Variants in PCDHA4 observed in about 807,000 individuals in gnomAD.
The protein encoded by PCDHA4 is protocadherin alpha 4.
A neutral mutation model predicts 61.4 loss-of-function variants in PCDHA4; 49 were observed. The ratio of observed to expected loss-of-function variants is 0.80; its 90% CI spans 0.63 to 1.01. The LOEUF is 1.01. Among genes scored for constraint, PCDHA4 ranks in the 50% least tolerant of loss-of-function variants. PCDHA4 has a pLI of 0.00. For missense variants in PCDHA4, 1,254 were observed against 1,235.8 expected, an observed-to-expected ratio of 1.01 and a Z score of -0.22; for synonymous variants, 590 against 550.3, an observed-to-expected ratio of 1.07 and a Z score of -1.01.
intron 1 of PCDHA4, among the ~76,000 whole-genome samples, chr5:140,953,105 G>A (rs191289853): frequency 5.3e-5 from 8 of 152,214 alleles, no homozygotes; most frequent in Non-Finnish European, 1.2e-4. Flanking sequence ...ATGAGATTTG[G>A]GCAGGGACAC....
chr5:140,878,856 G>T (rs1210501065), intron 1 of PCDHA4, among the ~76,000 whole-genome samples: 1 of 152,168 alleles, frequency 6.6e-6, no homozygotes, highest in Admixed American at 6.5e-5. Flanking sequence ...GGGTTCAACT[G>T]ATCCTCCATT....
At chr5:140,927,906 C>G (rs116016831) in intron 1 of PCDHA4, 1 of 1,614,180 alleles carries the variant, frequency 6.2e-7, no homozygotes, top group Non-Finnish European at 8.5e-7. Flanking sequence ...ATCATGCCCC[C>G]GAACTGGACT....
At chr5:140,924,891 T>C (rs549129193) in intron 1 of PCDHA4, among the ~76,000 whole-genome samples, 1 of 88,410 alleles carries the variant, frequency 1.1e-5, no homozygotes, top group African/African-American at 5.1e-5. Context: ...CAAGAACCTG[T>C]CTCAAAAAAA....
intron 1 of PCDHA4, chr5:140,855,912 G>C: frequency 1.7e-6 from 2 of 1,172,642 alleles, no homozygotes; most frequent in Non-Finnish European, 2.4e-6. Flanking sequence ...GTTTCTCAAG[G>C]ACTAGGAAGT....
intron 1 of PCDHA4, chr5:140,853,696 T>C: frequency 1.1e-5 from 11 of 988,274 alleles, no homozygotes; most frequent in Non-Finnish European, 1.3e-5. Context: ...TTAGACCTGC[T>C]AACGCATTAG....
chr5:140,867,634 A>G (rs2050082134), intron 1 of PCDHA4: 1 of 152,166 alleles, frequency 6.6e-6, no homozygotes, highest in Admixed American at 6.5e-5. Flanking sequence ...TATTTAAGCT[A>G]GAGTGATATT....
intron 1 of PCDHA4, among the ~76,000 whole-genome samples, chr5:140,839,392 GA>G (rs2150297449): frequency 1.4e-5 from 2 of 147,944 alleles, no homozygotes; most frequent in African/African-American, 4.9e-5. Context: ...TGATGATGAT[GA>G]TGATTATTAT....
intron 1 of PCDHA4, chr5:140,861,278 C>T (rs572060208): frequency 5.3e-4 from 99 of 185,718 alleles, no homozygotes; most frequent in African/African-American, 2.3e-3. Flanking sequence ...GCACTGGCTT[C>T]TGCTCCTTGA....
chr5:140,851,507 AAT>A, intron 1 of PCDHA4: 1 of 903,816 alleles, frequency 1.1e-6, no homozygotes, highest in Non-Finnish European at 1.3e-6. Flanking sequence ...ACTTATATAA[AAT>A]ATGTTTTAAA....
chr5:140,960,588 T>A (rs2095557494), intron 1 of PCDHA4, among the ~76,000 whole-genome samples: 1 of 152,166 alleles, frequency 6.6e-6, no homozygotes, highest in African/African-American at 2.4e-5. Flanking sequence ...ACAGTTCAAA[T>A]TCAAGGTACT....
chr5:140,958,677 G>C (rs917513084), intron 1 of PCDHA4, among the ~76,000 whole-genome samples: 3 of 152,090 alleles, frequency 2.0e-5, no homozygotes, highest in Non-Finnish European at 2.9e-5. Context: ...TAATTATAAA[G>C]GATATTGAAT....
chr5:140,840,316 C>A (rs2150305705), intron 1 of PCDHA4, among the ~76,000 whole-genome samples: 1 of 151,756 alleles, frequency 6.6e-6, no homozygotes, highest in South Asian at 2.1e-4. Flanking sequence ...TAACTTTGGT[C>A]GACTCATTTT....
Position 140,945,638 on chromosome 5 carries a change from A to G in PCDHA4, c.2386-33311A>G, listed in dbSNP as rs187448798. ...CATGGTACTGGCATAAAAGACATGTAGACCAATGGAGCAGAATACAGCTCC... is the reference window on the plus strand; with the variant it reads ...CATGGTACTGGCATAAAAGACATGTGGACCAATGGAGCAGAATACAGCTCC... On this transcript the variant is annotated intron_variant, in intron 1 of 3. Transcript: ENST00000530339. 2.6e-5 allele frequency among the ~76,000 whole-genome samples: 4 copies of G among 152,300 alleles called. No homozygotes were observed. The East Asian group carries it at 5.8e-4, about 22-fold the overall frequency.
Position 140,807,682 on chromosome 5 carries a change from C to A in PCDHA4, c.495C>A (p.Asn165Lys), listed in dbSNP as rs782331104. The A allele has an allele frequency of 7.4e-6, 12 of 1,614,106 alleles. No individual in the cohort carries two copies. The highest frequency in any genetic ancestry group is 2.2e-5 in the South Asian group (2 of 91,092). Residue 165 changes from asparagine to lysine, a missense_variant, in exon 1 of 4, where the codon AAC (asparagine) becomes AAA (lysine). Transcript: ENST00000530339. ...CCTCGGATGCAGATATCGGGGAGAA[C>A]GCCCTGCTCACTTACAGACTGAGCC... ...EGASDADIGENALLTYRLSPN... is the reference protein window; with the variant it reads ...EGASDADIGEKALLTYRLSPN...
intron 1 of PCDHA4, among the ~76,000 whole-genome samples, chr5:140,961,220 G>T (rs2095597952): frequency 6.6e-6 from 1 of 152,032 alleles, no homozygotes; most frequent in Non-Finnish European, 1.5e-5. Flanking sequence ...GAAGAAACTG[G>T]GTCCCAAAAA....
rs2150336386 is a variant in PCDHA4 at position 140,842,455 on chromosome 5, T to C, written c.2385+32883T>C. Reference sequence around the variant, plus strand: ...CCCTAATTAGCGTGAACGACCTCGATTCAGGTGCCAACGGGCAGGTGACCT... The same window carrying C: ...CCCTAATTAGCGTGAACGACCTCGACTCAGGTGCCAACGGGCAGGTGACCT... On this transcript the variant is annotated intron_variant, in intron 1 of 3. Coordinates refer to ENST00000530339, the MANE Select transcript of PCDHA4 (RefSeq NM_018907.4). The C allele has an allele frequency of 1.2e-6, 2 of 1,613,862 alleles. 1 individual carries two copies. Among genetic ancestry groups the C allele is most frequent in the East Asian group, 4.5e-5 (2 of 44,876 alleles).
chr5:140,967,576 A>T (rs2096159229), intron 1 of PCDHA4: 1 of 1,613,838 alleles, frequency 6.2e-7, no homozygotes, highest in African/African-American at 1.3e-5. Context: ...GGGAGGACTC[A>T]CCCCCAGGCA....
chr5:141,005,133 T>C (rs559773723), intron 3 of PCDHA4, among the ~76,000 whole-genome samples: 3 of 152,328 alleles, frequency 2.0e-5, no homozygotes, highest in Admixed American at 6.5e-5. Context: ...AAGTGCCTCA[T>C]TGGAGAGTTG....
At chr5:140,929,721 ATTTAC>A in intron 1 of PCDHA4, 2 of 222,496 alleles carry the variant, frequency 9.0e-6, no homozygotes, top group Non-Finnish European at 9.4e-6. Context: ...AAGGTGAAAC[ATTTAC>A]TTAAACTATT....
Sources: gnomAD v4.1 joint callset for allele counts (sites outside exome capture counted in the v4.1 genomes callset) on GRCh38, gnomAD v4.1.1 for gene constraint, MANE v1.5 for transcripts, NCBI Gene and HGNC (gene_info 2026-07-23, HGNC 2026-07-21) for gene names.